The following FAF1 variants were observed in gnomAD, a reference collection of about 807,000 sequenced individuals.
FAF1 encodes the protein Fas associated factor 1.
Under a neutral mutation model 92.5 loss-of-function variants are expected in FAF1, and 25 were observed. That is an observed-to-expected ratio of 0.27 (90% CI 0.20 to 0.38). The LOEUF (loss-of-function observed/expected upper bound fraction) is 0.38. Among genes scored for constraint, FAF1 ranks in the 10% least tolerant of loss-of-function variants. FAF1 has a pLI of 1.00. For synonymous variants in FAF1, 234 were observed against 273.2 expected (o/e 0.86, Z 1.42); for missense variants, 636 against 793.3 (o/e 0.80, Z 2.38).
chr1:50,453,318 G>C (rs1043876581), intron 18 of FAF1, among the ~76,000 whole-genome samples: 1 of 152,200 alleles, frequency 6.6e-6, no homozygotes, highest in Non-Finnish European at 1.5e-5. Context: ...TAATATCCAA[G>C]CAGGGCCATG....
chr1:50,852,756 C>A (rs1644361227), intron 2 of FAF1, among the ~76,000 whole-genome samples: 1 of 152,110 alleles, frequency 6.6e-6, no homozygotes, highest in Non-Finnish European at 1.5e-5. Context: ...ATAAAACTAA[C>A]ATTTACCTAT....
intron 2 of FAF1, 146 bp downstream of exon 2, chr1:50,857,783 T>G (rs1644401615): frequency 2.2e-6 from 1 of 448,456 alleles, no homozygotes; most frequent in African/African-American, 2.1e-5. Flanking sequence ...AACTTCATAT[T>G]AAAGATATGG....
chr1:50,638,256 A>G lies in FAF1; in HGVS notation c.744+17186T>C, dbSNP rs1281638097. ...CAAACTACTAAATATTTTGTAAAAC[A>G]AAAAAAGTTTTATTTCCTCCTTTCT... is the stretch of plus-strand genomic sequence containing the variant. On this transcript the variant is annotated intron_variant, in intron 8 of 18. Coordinates refer to ENST00000396153, the MANE Select transcript of FAF1 (RefSeq NM_007051.3). Among the ~76,000 whole-genome samples, 3 of 152,036 alleles carry G rather than the reference A, an allele frequency of 2.0e-5. No individual in the cohort carries two copies. The East Asian group carries it at 5.8e-4, about 29-fold the overall frequency.
intron 13 of FAF1, among the ~76,000 whole-genome samples, chr1:50,543,695 C>A (rs1648865190): frequency 2.0e-5 from 3 of 151,136 alleles, no homozygotes; most frequent in African/African-American, 4.9e-5. Flanking sequence ...CTCTATGAGA[C>A]TTTATTTTGC....
intron 7 of FAF1, among the ~76,000 whole-genome samples, chr1:50,704,266 CAG>C (rs1030064877): frequency 2.0e-5 from 3 of 151,936 alleles, no homozygotes; most frequent in Admixed American, 6.6e-5. Flanking sequence ...ACTCAAATAA[CAG>C]AAACTAGGGG....
chr1:50,467,795 C>G (rs1344223934), intron 18 of FAF1, among the ~76,000 whole-genome samples: 2 of 152,142 alleles, frequency 1.3e-5, no homozygotes. Context: ...GCCTCAGTTT[C>G]CCTATTCCAA....
chr1:50,545,191 T>C (rs1339267758), intron 13 of FAF1, among the ~76,000 whole-genome samples: 1 of 152,124 alleles, frequency 6.6e-6, no homozygotes, highest in Non-Finnish European at 1.5e-5. Flanking sequence ...ATAAAGTTTC[T>C]AGAAATGGAA....
chr1:50,597,028 C>T (rs1306315285), intron 8 of FAF1, among the ~76,000 whole-genome samples: 1 of 152,082 alleles, frequency 6.6e-6, no homozygotes, highest in African/African-American at 2.4e-5. Context: ...GAAAAAATTA[C>T]AACTGTCCTT....
At chr1:50,959,651 A>G (rs1200514127) in intron 1 of FAF1, 116 bp downstream of exon 1, 1 of 784,848 alleles carries the variant, frequency 1.3e-6, no homozygotes, top group Non-Finnish European at 2.1e-6. Flanking sequence ...CACGCACCGT[A>G]TAAAAGCCTA....
chr1:50,760,340 A>T (rs1485345171), intron 4 of FAF1, among the ~76,000 whole-genome samples: 1 of 152,206 alleles, frequency 6.6e-6, no homozygotes, highest in African/African-American at 2.4e-5. Flanking sequence ...AGCAGACCTA[A>T]GAGACATCTA....
At chr1:50,908,394 G>A (rs777319587) in intron 1 of FAF1, among the ~76,000 whole-genome samples, 5 of 152,136 alleles carry the variant, frequency 3.3e-5, no homozygotes, top group African/African-American at 4.8e-5. Flanking sequence ...AGATCTGCTT[G>A]GTGCAGAGCT....
At chr1:50,796,247 T>C (rs1661746903) in intron 3 of FAF1, among the ~76,000 whole-genome samples, 1 of 152,022 alleles carries the variant, frequency 6.6e-6, no homozygotes, top group Non-Finnish European at 1.5e-5. Flanking sequence ...TCTTGCAGTT[T>C]GCACACTGAT....
At chr1:50,849,246 G>A (rs1464345943) in intron 2 of FAF1, among the ~76,000 whole-genome samples, 11 of 147,970 alleles carry the variant, frequency 7.4e-5, no homozygotes, top group Admixed American at 2.0e-4. Context: ...TAGCCTAGGC[G>A]ACAGAGTGAG....
At chr1:50,797,235 T>C (rs1415570072) in intron 3 of FAF1, among the ~76,000 whole-genome samples, 1 of 152,114 alleles carries the variant, frequency 6.6e-6, no homozygotes, top group Non-Finnish European at 1.5e-5. Flanking sequence ...ACCCAAAGAA[T>C]ACAAAAGCAT....
At chr1:50,534,381 A>G (rs568802338) in intron 15 of FAF1, among the ~76,000 whole-genome samples, 1 of 152,126 alleles carries the variant, frequency 6.6e-6, no homozygotes, top group Non-Finnish European at 1.5e-5. Context: ...CCCAGGTTCA[A>G]GCGATTATCC....
intron 6 of FAF1, among the ~76,000 whole-genome samples, chr1:50,713,155 CAAAA>C (rs371395514): frequency 4.3e-5 from 2 of 46,532 alleles, no homozygotes; most frequent in Non-Finnish European, 8.4e-5. Context: ...GCCAGACCCT[CAAAA>C]AAAAAAAAAA....
chr1:50,803,566 A>G (rs550133812), intron 2 of FAF1, among the ~76,000 whole-genome samples: 33 of 152,316 alleles, frequency 2.2e-4, no homozygotes, highest in African/African-American at 7.7e-4. Context: ...AAAGGCACTC[A>G]ATAATTATTT....
intron 8 of FAF1, among the ~76,000 whole-genome samples, chr1:50,647,802 A>AG (rs1360763667): frequency 3.3e-5 from 5 of 152,194 alleles, no homozygotes; most frequent in African/African-American, 1.2e-4. Flanking sequence ...GTGGTGACCC[A>AG]GATGAAGCCA....
intron 3 of FAF1, among the ~76,000 whole-genome samples, chr1:50,793,935 G>C (rs1462545955): frequency 2.0e-5 from 3 of 152,152 alleles, no homozygotes; most frequent in Non-Finnish European, 2.9e-5. Context: ...AACACTCAAA[G>C]GAAATGTTTA....
Sources: gnomAD v4.1 joint callset for allele counts (sites outside exome capture counted in the v4.1 genomes callset) on GRCh38, gnomAD v4.1.1 for gene constraint, MANE v1.5 for transcripts, NCBI Gene and HGNC (gene_info 2026-07-23, HGNC 2026-07-21) for gene names.